LARGE1: variants seen among roughly 807,000 people sequenced by gnomAD.
The protein encoded by LARGE1 is LARGE xylosyl- and glucuronyltransferase 1.
A neutral mutation model predicts 87.6 loss-of-function variants in LARGE1; 43 were observed. The ratio of observed to expected loss-of-function variants is 0.49; its 90% CI spans 0.38 to 0.63. The LOEUF (loss-of-function observed/expected upper bound fraction) is 0.63. Ranked by LOEUF, LARGE1 falls within the 30% of genes least tolerant of loss-of-function variation. The probability of loss-of-function intolerance (pLI) is 0.00; values close to 1 mark genes in which losing one functional copy is unlikely to be tolerated. For synonymous variants in LARGE1, 434 were observed against 394.6 expected (o/e 1.10, Z -1.18); for missense variants, 802 against 1,000.2 (o/e 0.80, Z 2.67).
chr22:33,560,290 G>A (rs2077816376), intron 6 of LARGE1, among the ~76,000 whole-genome samples: 2 of 152,182 alleles, frequency 1.3e-5, no homozygotes, highest in South Asian at 4.1e-4. Flanking sequence ...GCTTAAACAT[G>A]TTAGTTGTAA....
At chr22:33,153,209 T>C in the LARGE1 span, among the ~76,000 whole-genome samples, 3 of 152,324 alleles carry the variant, frequency 2.0e-5, no homozygotes, top group Non-Finnish European at 4.4e-5. Flanking sequence ...TTAAATTTTT[T>C]TAGGCATGAA....
At position 33,704,055 on chromosome 22, in the gene LARGE1, T is replaced by C. The variant is rs1017096630; in HGVS notation, c.107-53387A>G. Among the ~76,000 whole-genome samples the C allele has an allele frequency of 6.6e-5, 10 of 152,334 alleles. 2 individuals are homozygous for C. The highest frequency in any genetic ancestry group is 6.5e-5 in the Admixed American group (1 of 15,308). Reference sequence around the variant, plus strand: ...CCACTAAAGCGTCTTAGCAGAGGGATACTAAAGCGCTGAATTGTCATATTT... The same window carrying C: ...CCACTAAAGCGTCTTAGCAGAGGGACACTAAAGCGCTGAATTGTCATATTT... On this transcript the variant is annotated intron_variant, in intron 2 of 14. Transcript: ENST00000397394.
At chr22:33,105,999 T>C in the LARGE1 span, 1 of 152,238 alleles carries the variant, frequency 6.6e-6, no homozygotes, top group African/African-American at 2.4e-5. Flanking sequence ...CTTTTCTCAG[T>C]TGCAAGATTA....
intron 1 of LARGE1, among the ~76,000 whole-genome samples, chr22:33,813,831 A>G (rs982362287): frequency 6.6e-5 from 10 of 152,184 alleles, no homozygotes; most frequent in Non-Finnish European, 1.5e-4. Context: ...CCTTATAGGA[A>G]AATCTCCACA....
chr22:33,178,918 A>G (rs188452872), intron 11 of LARGE1, among the ~76,000 whole-genome samples: 99 of 152,246 alleles, frequency 6.5e-4, no homozygotes, highest in Non-Finnish European at 1.1e-3. Flanking sequence ...AAAGAAATTT[A>G]TTTCTTACAG....
rs1173393875 is a variant in LARGE1, at chr22:33,639,068, G to T, written c.408+11299C>A. ...CCACTATCAGCAGATGTGACACTGT[G>T]TGGCTTCTGAGGCCAGGTCATGAAA... On this transcript the variant is annotated intron_variant, in intron 3 of 14. Coordinates refer to ENST00000397394, the MANE Select transcript of LARGE1 (RefSeq NM_133642.5). Among the ~76,000 whole-genome samples the T allele has an allele frequency of 2.0e-5, 3 of 152,342 alleles. No individual in the cohort carries two copies. The South Asian group carries it at 6.2e-4, about 32-fold the overall frequency.
chr22:33,800,203 G>T (rs1250386208), intron 1 of LARGE1, among the ~76,000 whole-genome samples: 3 of 152,144 alleles, frequency 2.0e-5, no homozygotes, highest in Non-Finnish European at 2.9e-5. Flanking sequence ...CTCCCTGTGT[G>T]TTTTTTAACT....
chr22:33,606,366 C>A (rs2079260906), intron 4 of LARGE1, among the ~76,000 whole-genome samples: 1 of 151,648 alleles, frequency 6.6e-6, no homozygotes. Context: ...GATTGCACGA[C>A]TGCACTCCAG....
chr22:33,702,782 A>G (rs1405129422), intron 2 of LARGE1, among the ~76,000 whole-genome samples: 1 of 152,180 alleles, frequency 6.6e-6, no homozygotes, highest in Non-Finnish European at 1.5e-5. Context: ...ACCTATAACT[A>G]CAATACAGTG....
the LARGE1 span, among the ~76,000 whole-genome samples, chr22:33,103,372 G>T: frequency 2.0e-4 from 26 of 133,166 alleles, no homozygotes; most frequent in Non-Finnish European, 3.1e-4. Flanking sequence ...GGCAGAGCTT[G>T]CAGTGAGCCG....
chr22:33,391,160 C>G (rs1161993350), intron 7 of LARGE1, among the ~76,000 whole-genome samples: 1 of 152,142 alleles, frequency 6.6e-6, no homozygotes, highest in East Asian at 1.9e-4. Context: ...AACCAATATC[C>G]TCACATCCTC....
At chr22:33,481,443 A>C (rs1465926887) in intron 6 of LARGE1, among the ~76,000 whole-genome samples, 1 of 152,116 alleles carries the variant, frequency 6.6e-6, no homozygotes, top group Non-Finnish European at 1.5e-5. Flanking sequence ...TTACATATCG[A>C]AATACTGATC....
intron 7 of LARGE1, among the ~76,000 whole-genome samples, chr22:33,419,235 G>A (rs976268598): frequency 6.6e-6 from 1 of 151,902 alleles, no homozygotes; most frequent in African/African-American, 2.4e-5. Context: ...CAGCATAGGG[G>A]AACCACCCCC....
intron 11 of LARGE1, among the ~76,000 whole-genome samples, chr22:33,180,195 T>C (rs67534349): frequency 0.17 from 25,395 of 152,106 alleles, 2,278 homozygotes; most frequent in South Asian, 0.32. Context: ...AGTTATTTTG[T>C]AATAGCAGCA....
chr22:33,160,441 T>C (rs1456670989), downstream of LARGE1, among the ~76,000 whole-genome samples: 2 of 152,206 alleles, frequency 1.3e-5, no homozygotes, highest in Non-Finnish European at 2.9e-5. Flanking sequence ...CACTCTACCT[T>C]GCTGGCTTTC....
At chr22:33,591,513 A>G (rs2078837381) in intron 5 of LARGE1, among the ~76,000 whole-genome samples, 1 of 152,088 alleles carries the variant, frequency 6.6e-6, no homozygotes, top group Non-Finnish European at 1.5e-5. Context: ...TTGTTTTCTT[A>G]TTATTGGTGT....
At chr22:33,813,147 G>C (rs1252532778) in intron 1 of LARGE1, among the ~76,000 whole-genome samples, 3 of 151,922 alleles carry the variant, frequency 2.0e-5, no homozygotes, top group Non-Finnish European at 4.4e-5. Context: ...TCTGAGGTCA[G>C]GAGCTCGAGA....
At chr22:33,811,666 C>G (rs2086498568) in intron 1 of LARGE1, among the ~76,000 whole-genome samples, 1 of 152,130 alleles carries the variant, frequency 6.6e-6, no homozygotes, top group Non-Finnish European at 1.5e-5. Context: ...GGCCAGAGCC[C>G]AACTGGGAAC....
chr22:33,738,288 G>A (rs966584166), intron 2 of LARGE1, among the ~76,000 whole-genome samples: 3 of 152,154 alleles, frequency 2.0e-5, no homozygotes, highest in African/African-American at 4.8e-5. Context: ...AGAGTAGAGG[G>A]AGTTAAATAG....
Sources: allele counts gnomAD v4.1 joint callset (sites outside exome capture counted in the v4.1 genomes callset), GRCh38; gene constraint gnomAD v4.1.1; transcripts MANE v1.5; gene names NCBI Gene and HGNC (gene_info 2026-07-23, HGNC 2026-07-21).